The following POU5F2 variants were observed in gnomAD, a reference collection of about 807,000 sequenced individuals.
POU5F2 encodes POU domain, class 5, transcription factor 2.
For missense variants in POU5F2, 401 were observed against 426.6 expected, an observed-to-expected ratio of 0.94 and a Z score of 0.53; for synonymous variants, 191 against 178.7, an observed-to-expected ratio of 1.07 and a Z score of -0.55.
At position 93,741,409 on chromosome 5, in the gene POU5F2, G is replaced by C. The variant is rs1220378240; in HGVS notation, c.155C>G (p.Pro52Arg). 1.2e-6 allele frequency: 2 copies of C among 1,613,370 alleles called. No individual in the cohort carries two copies. The highest frequency in any genetic ancestry group is 1.7e-6 in the Non-Finnish European group (2 of 1,179,766). The change falls in exon 1 of 1, where the codon CCA becomes CGA. Residue 52 changes from proline (P) to arginine (R), a missense_variant. By Grantham distance (103) the Pro-to-Arg change is moderately radical (BLOSUM62 -2). Transcript: ENST00000606183. ...CACGTCAGGGCCTGGGCAGATCCCT[G>C]GCCTGACTGCCGGCCAGACCATCAC... ...GRVMVWPAVR[P>R]GICPGPDVWR...
chr5:93,741,437 T>C lies in POU5F2; in HGVS notation c.127A>G (p.Arg43Gly), dbSNP rs768577139. ...TWLSTQAAPG[R>G]VMVWPAVRPG... Reference sequence around the variant, plus strand: ...CTGACTGCCGGCCAGACCATCACCCTGCCAGGGGCCGCCTGGGTGCTCAAC... The same window carrying C: ...CTGACTGCCGGCCAGACCATCACCCCGCCAGGGGCCGCCTGGGTGCTCAAC... Residue 43 changes from arginine to glycine, a missense_variant, in exon 1 of 1, where the codon AGG (arginine) becomes GGG (glycine). Coordinates refer to ENST00000606183, the MANE Select transcript of POU5F2 (RefSeq NM_153216.2). 1 of 1,613,414 alleles carries C rather than the reference T, an allele frequency of 6.2e-7. No homozygotes were observed. Among genetic ancestry groups the C allele is most frequent in the Non-Finnish European group, 8.5e-7 (1 of 1,179,766 alleles).
Position 93,741,202 on chromosome 5 carries a change from C to G in POU5F2, c.362G>C (p.Gly121Ala). 1 of 1,613,864 alleles carries G rather than the reference C, an allele frequency of 6.2e-7. No individual in the cohort carries two copies. Among genetic ancestry groups the G allele is most frequent in the Non-Finnish European group, 8.5e-7 (1 of 1,179,884 alleles). The part of the protein sequence containing the change: ...PKLPPPEDIS[G>A]ILKELQQLAK... Reference sequence around the variant, plus strand: ...CAATTGCTGCAACTCTTTCAGTATGCCCGAGATGTCCTCTGGCGGCGGCAA... The same window carrying G: ...CAATTGCTGCAACTCTTTCAGTATGGCCGAGATGTCCTCTGGCGGCGGCAA... The change falls in exon 1 of 1, where the codon GGC (glycine) becomes GCC (alanine). Residue 121 changes from glycine (G) to alanine (A), a missense_variant. Transcript: ENST00000606183.
In POU5F2 at chr5:93,740,800, C is replaced by G; in HGVS notation, c.764G>C (p.Arg255Pro). ...GCLQLQKDVV[R>P]VWFYNRSKMG... is the part of the protein sequence containing the mutation. ...CTTGCTGCGGTTATAGAACCAAACT[C>G]GAACCACATCCTTCTGCAGCTGGAG... is the stretch of plus-strand genomic sequence containing the variant. Residue 255 changes from arginine (R) to proline (P), a missense_variant, in exon 1 of 1, where the codon CGA (arginine) becomes CCA (proline). Physicochemically the swap from Arg to Pro is moderately radical, Grantham distance 103. Transcript: ENST00000606183. 3 of 1,612,952 alleles carry G rather than the reference C, an allele frequency of 1.9e-6. No individual in the cohort carries two copies. Among genetic ancestry groups the G allele is most frequent in the Non-Finnish European group, 2.5e-6 (3 of 1,179,336 alleles).
chr5:93,733,820 C>G lies in POU5F2; in HGVS notation c.*6757G>C. On this transcript the variant is annotated 3_prime_UTR_variant, in exon 1 of 1. Transcript: ENST00000606183. ...AATTGCAATGGTTTTGTAGTTTTCA[C>G]TTTAAAAACACAGTTTGACATAAAT... 1 of 152,158 alleles carries G rather than the reference C, an allele frequency of 6.6e-6. No individual in the cohort carries two copies. The highest frequency in any genetic ancestry group is 1.9e-4 in the East Asian group (1 of 5,188). 9.4% of individuals were successfully genotyped at this position (152,158 alleles called of 1,614,324 possible). A position where few individuals can be genotyped will look rare whatever the true frequency, so the allele number is the denominator to read the frequency against.
rs1327301200 is a variant in POU5F2, at chr5:93,737,881, T to C, written c.*2696A>G. 2 of 439,856 alleles carry C rather than the reference T, an allele frequency of 4.5e-6. No homozygotes were observed. The highest frequency in any genetic ancestry group is 3.3e-5 in the South Asian group (2 of 59,834). The allele number at this position is 439,856 out of a possible 1,614,324, so 27.2% of individuals were successfully genotyped here. A position where few individuals can be genotyped will look rare whatever the true frequency, so the allele number is the denominator to read the frequency against. On this transcript the variant is annotated 3_prime_UTR_variant, in exon 1 of 1. Coordinates refer to ENST00000606183, the MANE Select transcript of POU5F2 (RefSeq NM_153216.2). The stretch of plus-strand genomic sequence containing the variant: ...AAATTTAATAAATAAAACTGTAAAA[T>C]TCATAGAAGAAAACACAGGAGCAAA...
chr5:93,733,921 A>G lies in POU5F2; in HGVS notation c.*6656T>C, dbSNP rs1422591436. ...GAAAACCAATACTGTTTAGTAGGCA[A>G]GACTATTTCTAGAAGAAAGGCATAA... On this transcript the variant is annotated 3_prime_UTR_variant, in exon 1 of 1. Transcript: ENST00000606183. 2.0e-5 allele frequency: 3 copies of G among 152,264 alleles called. No homozygotes were observed. Among genetic ancestry groups the G allele is most frequent in the Non-Finnish European group, 2.9e-5 (2 of 68,046 alleles). The allele number at this position is 152,264 out of a possible 1,614,324, so 9.4% of individuals were successfully genotyped here. A position where few individuals can be genotyped will look rare whatever the true frequency, so the allele number is the denominator to read the frequency against.
Position 93,737,942 on chromosome 5 carries a change from T to A in POU5F2, c.*2635A>T, listed in dbSNP as rs1353626561. The A allele has an allele frequency of 2.2e-6, 1 of 447,940 alleles. No individual in the cohort carries two copies. The highest frequency in any genetic ancestry group is 4.4e-6 in the Non-Finnish European group (1 of 224,736). 27.7% of individuals were successfully genotyped at this position (447,940 alleles called of 1,614,324 possible). On this transcript the variant is annotated 3_prime_UTR_variant, in exon 1 of 1. Transcript: ENST00000606183. ...TTTGCATTTGGCAACATGAAAAGCCTAAGCAACAAAAGAAAAAATGGATAA... is the reference window on the plus strand; with the variant it reads ...TTTGCATTTGGCAACATGAAAAGCCAAAGCAACAAAAGAAAAAATGGATAA...
Position 93,737,826 on chromosome 5 carries a change from A to G in POU5F2, c.*2751T>C. On this transcript the variant is annotated 3_prime_UTR_variant, in exon 1 of 1. Coordinates refer to ENST00000606183, the MANE Select transcript of POU5F2 (RefSeq NM_153216.2). Reference sequence around the variant, plus strand: ...TGGGCACTTACCTCATACCGTATACAAAAATTAACTTGAAATGGATCAAAG... The same window carrying G: ...TGGGCACTTACCTCATACCGTATACGAAAATTAACTTGAAATGGATCAAAG... 2.4e-6 allele frequency: 1 copy of G among 411,098 alleles called. No homozygotes were observed. The highest frequency in any genetic ancestry group is 4.7e-6 in the Non-Finnish European group (1 of 211,550). The allele number at this position is 411,098 out of a possible 1,614,324, so 25.5% of individuals were successfully genotyped here.
In POU5F2 at chr5:93,741,493, G is replaced by C. The variant is rs758694909; in HGVS notation, c.71C>G (p.Pro24Arg). The C allele has an allele frequency of 6.2e-7, 1 of 1,612,026 alleles. No homozygotes were observed. The highest frequency in any genetic ancestry group is 2.2e-5 in the East Asian group (1 of 44,808). ...PGSGGGGPRG[P>R]MPLRVDTLTW... Reference sequence around the variant, plus strand: ...CAGAGTGTCAACCCGCAGGGGCATCGGCCCTCTGGGGCCGCCCCCACCACT... The same window carrying C: ...CAGAGTGTCAACCCGCAGGGGCATCCGCCCTCTGGGGCCGCCCCCACCACT... The change falls in exon 1 of 1, where the codon CCG becomes CGG. Residue 24 changes from proline to arginine, a missense_variant. Physicochemically the swap from Pro to Arg is moderately radical, Grantham distance 103. Transcript: ENST00000606183.
Position 93,739,495 on chromosome 5 carries a change from A to T in POU5F2, c.*1082T>A. Reference sequence around the variant, plus strand: ...CAAGATTACTATCCAGAAATAAGACATAAACTCTGATATAATACATACTGA... The same window carrying T: ...CAAGATTACTATCCAGAAATAAGACTTAAACTCTGATATAATACATACTGA... On this transcript the variant is annotated 3_prime_UTR_variant, in exon 1 of 1. Transcript: ENST00000606183. 6.6e-6 allele frequency: 1 copy of T among 152,176 alleles called. No individual in the cohort carries two copies. The highest frequency in any genetic ancestry group is 1.9e-4 in the East Asian group (1 of 5,184). The allele number at this position is 152,176 out of a possible 1,614,324, so 9.4% of individuals were successfully genotyped here.
Position 93,735,475 on chromosome 5 carries a change from C to T in POU5F2, c.*5102G>A. The T allele has an allele frequency of 6.6e-6, 1 of 152,316 alleles. No individual in the cohort carries two copies. Among genetic ancestry groups the T allele is most frequent in the Non-Finnish European group, 1.5e-5 (1 of 68,058 alleles). 9.4% of individuals were successfully genotyped at this position (152,316 alleles called of 1,614,324 possible). A position where few individuals can be genotyped will look rare whatever the true frequency, so the allele number is the denominator to read the frequency against. On this transcript the variant is annotated 3_prime_UTR_variant, in exon 1 of 1. Transcript: ENST00000606183. ...AATTTCTCCACATCTGTAGAGGCTG[C>T]AGAAGAACTGAAGGAGCAGCTGAGG...
rs927101614 is a variant in POU5F2, at chr5:93,738,043, T to C, written c.*2534A>G. 1.7e-5 allele frequency: 6 copies of C among 352,454 alleles called. No individual in the cohort carries two copies. The highest frequency in any genetic ancestry group is 4.4e-5 in the African/African-American group (2 of 45,864). 21.8% of individuals were successfully genotyped at this position (352,454 alleles called of 1,614,324 possible). ...AAGAGTAAAAGGACAACCCACAGAATGGGAGAAAATACTTGCAAACCATCT... is the reference window on the plus strand; with the variant it reads ...AAGAGTAAAAGGACAACCCACAGAACGGGAGAAAATACTTGCAAACCATCT... On this transcript the variant is annotated 3_prime_UTR_variant, in exon 1 of 1. Coordinates refer to ENST00000606183, the MANE Select transcript of POU5F2 (RefSeq NM_153216.2).
rs1746807976 is a variant in POU5F2, at chr5:93,734,554, A to C, written c.*6023T>G. 1 of 152,222 alleles carries C rather than the reference A, an allele frequency of 6.6e-6. No homozygotes were observed. The highest frequency in any genetic ancestry group is 2.1e-4 in the South Asian group (1 of 4,832). The allele number at this position is 152,222 out of a possible 1,614,324, so 9.4% of individuals were successfully genotyped here. A position where few individuals can be genotyped will look rare whatever the true frequency, so the allele number is the denominator to read the frequency against. On this transcript the variant is annotated 3_prime_UTR_variant, in exon 1 of 1. Coordinates refer to ENST00000606183, the MANE Select transcript of POU5F2 (RefSeq NM_153216.2). ...GGGGCTCAGCATCTTCAGATTAAAAATACTTGCCTTGTCTATAGGAAATAC... is the reference window on the plus strand; with the variant it reads ...GGGGCTCAGCATCTTCAGATTAAAACTACTTGCCTTGTCTATAGGAAATAC...
chr5:93,738,532 T>C lies in POU5F2; in HGVS notation c.*2045A>G, dbSNP rs1192489818. The C allele has an allele frequency of 6.6e-6, 1 of 152,226 alleles. No individual in the cohort carries two copies. The highest frequency in any genetic ancestry group is 2.4e-5 in the African/African-American group (1 of 41,466). The allele number at this position is 152,226 out of a possible 1,614,324, so 9.4% of individuals were successfully genotyped here. A position where few individuals can be genotyped will look rare whatever the true frequency, so the allele number is the denominator to read the frequency against. ...TAGCAGTATCATTCACAATAGCCCATTGGCTATTAATGAAAACAATCTAAG... is the reference window on the plus strand; with the variant it reads ...TAGCAGTATCATTCACAATAGCCCACTGGCTATTAATGAAAACAATCTAAG... On this transcript the variant is annotated 3_prime_UTR_variant, in exon 1 of 1. Transcript: ENST00000606183.
rs61420670 is a variant in POU5F2 at position 93,737,854 on chromosome 5, C to T, written c.*2723G>A. On this transcript the variant is annotated 3_prime_UTR_variant, in exon 1 of 1. Coordinates refer to ENST00000606183, the MANE Select transcript of POU5F2 (RefSeq NM_153216.2). The stretch of plus-strand genomic sequence containing the variant: ...AATTAACTTGAAATGGATCAAAGTC[C>T]TAAATTTAATAAATAAAACTGTAAA... 2.5e-3 allele frequency: 1,057 copies of T among 424,480 alleles called. 26 individuals carry two copies. The East Asian group carries it at 0.052, about 21-fold the overall frequency. 26.3% of individuals were successfully genotyped at this position (424,480 alleles called of 1,614,324 possible). A position where few individuals can be genotyped will look rare whatever the true frequency, so the allele number is the denominator to read the frequency against.
At position 93,736,632 on chromosome 5, in the gene POU5F2, T is replaced by C. The variant is rs769353779; in HGVS notation, c.*3945A>G. On this transcript the variant is annotated 3_prime_UTR_variant, in exon 1 of 1. Coordinates refer to ENST00000606183, the MANE Select transcript of POU5F2 (RefSeq NM_153216.2). ...GGTCTCTTAGGTGTGGGTGCAATGG[T>C]GATGGTAGTACTGGGGAAGGAAGTA... 1 of 152,104 alleles carries C rather than the reference T, an allele frequency of 6.6e-6. No homozygotes were observed. Among genetic ancestry groups the C allele is most frequent in the Non-Finnish European group, 1.5e-5 (1 of 68,032 alleles). The allele number at this position is 152,104 out of a possible 1,614,324, so 9.4% of individuals were successfully genotyped here.
Position 93,735,428 on chromosome 5 carries a change from CCT to C in POU5F2, c.*5147_*5148del, listed in dbSNP as rs1365479533. The C allele has an allele frequency of 1.3e-5, 2 of 152,192 alleles. No individual in the cohort carries two copies. The highest frequency in any genetic ancestry group is 2.9e-5 in the Non-Finnish European group (2 of 68,080). 9.4% of individuals were successfully genotyped at this position (152,192 alleles called of 1,614,324 possible). ...CTGAGATGGACTCTAGGAGCTGTTCCCTGAGATTGAGAGCTCATCACAATTTC... is the reference window on the plus strand; with the variant it reads ...CTGAGATGGACTCTAGGAGCTGTTCCGAGATTGAGAGCTCATCACAATTTC... On this transcript the variant is annotated 3_prime_UTR_variant, in exon 1 of 1. Coordinates refer to ENST00000606183, the MANE Select transcript of POU5F2 (RefSeq NM_153216.2).
chr5:93,740,638 T>C lies in POU5F2; in HGVS notation c.926A>G (p.Tyr309Cys). 1 of 1,612,670 alleles carries C rather than the reference T, an allele frequency of 6.2e-7. No individual in the cohort carries two copies. The highest frequency in any genetic ancestry group is 8.5e-7 in the Non-Finnish European group (1 of 1,179,164). Residue 309 changes from tyrosine to cysteine, a missense_variant, in exon 1 of 1, where the codon TAC (tyrosine) becomes TGC (cysteine). Transcript: ENST00000606183. Reference protein sequence around the residue: ...PVDIPHYTRLYSAGVAHSSAP... With the variant: ...PVDIPHYTRLCSAGVAHSSAP... ...AGAGGAGTGGGCTACCCCTGCAGAG[T>C]AGAGACGTGTATAGTGGGGGATATC...
rs1419049452 is a variant in POU5F2 at position 93,739,370 on chromosome 5, T to C, written c.*1207A>G. On this transcript the variant is annotated 3_prime_UTR_variant, in exon 1 of 1. Transcript: ENST00000606183. ...AAGTAAAAATTAATTAACTAGGGAA[T>C]AAAAATTGTAGTAAGTAGAATAAGT... is the stretch of plus-strand genomic sequence containing the variant. 6.6e-6 allele frequency: 1 copy of C among 152,064 alleles called. No homozygotes were observed. The highest frequency in any genetic ancestry group is 6.5e-5 in the Admixed American group (1 of 15,276). 9.4% of individuals were successfully genotyped at this position (152,064 alleles called of 1,614,324 possible). A position where few individuals can be genotyped will look rare whatever the true frequency, so the allele number is the denominator to read the frequency against.
Sources: allele counts gnomAD v4.1 joint callset, GRCh38; gene constraint gnomAD v4.1.1; transcripts MANE v1.5; gene names NCBI Gene and HGNC (gene_info 2026-07-23, HGNC 2026-07-21).